Variants in UBTD2 observed in about 807,000 individuals in gnomAD.
The protein encoded by UBTD2 is ubiquitin domain-containing protein 2.
UBTD2 carries 9 observed loss-of-function variants against 19.8 expected under a neutral mutation model. That is an observed-to-expected ratio of 0.46 (90% CI 0.27 to 0.79). The LOEUF is 0.79. UBTD2 is among the 30% of genes least tolerant of loss of function. The pLI is 0.14. For missense variants in UBTD2, 250 were observed against 300.4 expected (o/e 0.83, Z 1.24); for synonymous variants, 98 against 103.9 (o/e 0.94, Z 0.35).
intron 1 of UBTD2, chr5:172,255,182 G>C: frequency 2.2e-6 from 1 of 453,952 alleles, no homozygotes; most frequent in Non-Finnish European, 4.3e-6. Flanking sequence ...TGTGAGGATA[G>C]GAACTTGAGA....
intron 1 of UBTD2, among the ~76,000 whole-genome samples, chr5:172,273,576 G>A (rs4547944): frequency 8.1e-6 from 1 of 123,934 alleles, no homozygotes; most frequent in Non-Finnish European, 1.6e-5. Flanking sequence ...GGGCGACAGA[G>A]TGAGACTCCG....
At chr5:172,258,173 G>A (rs1451431501) in intron 1 of UBTD2, among the ~76,000 whole-genome samples, 2 of 152,140 alleles carry the variant, frequency 1.3e-5, no homozygotes, top group Non-Finnish European at 2.9e-5. Context: ...GTTGACTTTT[G>A]TAGATGGCGA....
At chr5:172,253,674 G>T (rs1755076524) in intron 1 of UBTD2, among the ~76,000 whole-genome samples, 1 of 151,782 alleles carries the variant, frequency 6.6e-6, no homozygotes, top group South Asian at 2.1e-4. Context: ...GGATGGTCTC[G>T]ATTTCTTGAC....
In UBTD2 at chr5:172,234,304, T is replaced by C; in HGVS notation, c.125A>G (p.Asp42Gly). The C allele has an allele frequency of 6.2e-7, 1 of 1,614,204 alleles. No homozygotes were observed. ...TAGTTGTCCATCTGTCATAGGATAATCGCTTTTCCATTTTGGTTTCTCCTT... is the reference window on the plus strand; with the variant it reads ...TAGTTGTCCATCTGTCATAGGATAACCGCTTTTCCATTTTGGTTTCTCCTT... Reference protein sequence around the residue: ...LKKEKPKWKSDYPMTDGQLRS... With the variant: ...LKKEKPKWKSGYPMTDGQLRS... Residue 42 changes from aspartate (D) to glycine (G), a missense_variant, in exon 2 of 3, where the codon GAT becomes GGT. Transcript: ENST00000393792.
At chr5:172,230,332 T>TA (rs949042632) in intron 2 of UBTD2, among the ~76,000 whole-genome samples, 5 of 149,958 alleles carry the variant, frequency 3.3e-5, no homozygotes, top group East Asian at 2.0e-4. Context: ...CGTCTCAAAG[T>TA]AAAAAAAAGG....
intron 1 of UBTD2, among the ~76,000 whole-genome samples, chr5:172,265,386 G>A (rs1443748935): frequency 6.6e-6 from 1 of 152,142 alleles, no homozygotes; most frequent in East Asian, 1.9e-4. Flanking sequence ...GGCTGGTGGA[G>A]TGCAGTGGCA....
At chr5:172,218,167 A>G (rs540860765) in intron 2 of UBTD2, among the ~76,000 whole-genome samples, 6 of 152,386 alleles carry the variant, frequency 3.9e-5, no homozygotes, top group Admixed American at 3.3e-4. Flanking sequence ...CTGGAAATGA[A>G]TATCAGACAG....
chr5:172,239,076 CAACT>C (rs1294034827), intron 1 of UBTD2, among the ~76,000 whole-genome samples: 3 of 139,134 alleles, frequency 2.2e-5, no homozygotes, highest in Admixed American at 7.4e-5. Flanking sequence ...TTACCTAAAG[CAACT>C]AACTGCCAAA....
chr5:172,225,490 A>G (rs1019014617), intron 2 of UBTD2, among the ~76,000 whole-genome samples: 8 of 152,224 alleles, frequency 5.3e-5, no homozygotes, highest in African/African-American at 1.9e-4. Context: ...GGTTAGAAAG[A>G]AAGATGTATT....
intron 1 of UBTD2, among the ~76,000 whole-genome samples, chr5:172,257,953 G>A (rs776739577): frequency 3.3e-5 from 5 of 152,090 alleles, no homozygotes; most frequent in Non-Finnish European, 5.9e-5. Context: ...CCATTGTGTA[G>A]GTTGTCTGTT....
In UBTD2 at chr5:172,211,823, GCTCAGTTCAGTT is replaced by G; in HGVS notation, c.700_*6del. 6.3e-7 allele frequency: 1 copy of G among 1,593,968 alleles called. No individual in the cohort carries two copies. The highest frequency in any genetic ancestry group is 8.6e-7 in the Non-Finnish European group (1 of 1,167,274). Reference sequence around the variant, plus strand: ...AGGGATGTGGGAGCTGGCCAACAGGGCTCAGTTCAGTTCTCCACTGGTGTTGGGTTCTGCACA... The same window carrying G: ...AGGGATGTGGGAGCTGGCCAACAGGGCTCCACTGGTGTTGGGTTCTGCACA... On this transcript the variant is annotated stop_lost and 3_prime_UTR_variant, in exon 3 of 3. Coordinates refer to ENST00000393792, the MANE Select transcript of UBTD2 (RefSeq NM_152277.3).
chr5:172,274,176 T>C (rs1338256942), intron 1 of UBTD2, among the ~76,000 whole-genome samples: 1 of 146,260 alleles, frequency 6.8e-6, no homozygotes, highest in Non-Finnish European at 1.5e-5. Flanking sequence ...AGCCTCGCTG[T>C]GTCGCCAGGC....
chr5:172,271,999 C>T (rs1384113011), intron 1 of UBTD2, among the ~76,000 whole-genome samples: 1 of 152,126 alleles, frequency 6.6e-6, no homozygotes, highest in Non-Finnish European at 1.5e-5. Context: ...TAATTATGAC[C>T]TCACACTCAA....
intron 2 of UBTD2, among the ~76,000 whole-genome samples, chr5:172,232,417 TG>T (rs1157176922): frequency 1.3e-5 from 2 of 151,492 alleles, no homozygotes; most frequent in Non-Finnish European, 2.9e-5. Flanking sequence ...AAGTGATCAG[TG>T]GGTGCTCAAT....
chr5:172,238,001 A>G (rs1250105717), intron 1 of UBTD2, among the ~76,000 whole-genome samples: 1 of 152,164 alleles, frequency 6.6e-6, no homozygotes, highest in Non-Finnish European at 1.5e-5. Context: ...GCATTTGTTC[A>G]CCAAATCTTA....
chr5:172,249,680 T>C (rs773072206), intron 1 of UBTD2, among the ~76,000 whole-genome samples: 23 of 151,896 alleles, frequency 1.5e-4, no homozygotes, highest in Admixed American at 3.9e-4. Context: ...TATGCAAAAA[T>C]CCTCAGCAAA....
chr5:172,223,348 T>C (rs1053551398), intron 2 of UBTD2, among the ~76,000 whole-genome samples: 4 of 151,934 alleles, frequency 2.6e-5, no homozygotes, highest in Non-Finnish European at 5.9e-5. Context: ...CTCATGACTG[T>C]AATCCCAGCA....
At chr5:172,273,181 G>A (rs1262772087) in intron 1 of UBTD2, among the ~76,000 whole-genome samples, 3 of 152,014 alleles carry the variant, frequency 2.0e-5, no homozygotes, top group East Asian at 3.9e-4. Context: ...TTGCTATCAT[G>A]TCTAATGGAT....
intron 2 of UBTD2, among the ~76,000 whole-genome samples, chr5:172,231,539 G>A (rs11134737): frequency 0.32 from 49,285 of 152,046 alleles, 8,085 homozygotes; most frequent in South Asian, 0.42. Context: ...CCCACATCCA[G>A]TAGGATATGC....
Sources: allele counts gnomAD v4.1 joint callset (sites outside exome capture counted in the v4.1 genomes callset), GRCh38; gene constraint gnomAD v4.1.1; transcripts MANE v1.5; gene names NCBI Gene and HGNC (gene_info 2026-07-23, HGNC 2026-07-21).